UBE2E2: variants seen among roughly 807,000 people sequenced by gnomAD.
The protein encoded by UBE2E2 is ubiquitin-conjugating enzyme E2 E2.
Under a neutral mutation model 24.7 loss-of-function variants are expected in UBE2E2, and 6 were observed. The observed-to-expected ratio is 0.24, with a 90% CI of 0.13 to 0.48. The LOEUF is 0.48. Ranked by LOEUF, UBE2E2 falls within the 20% of genes least tolerant of loss-of-function variation. The pLI is 0.99. For synonymous variants in UBE2E2, 104 were observed against 83.6 expected (o/e 1.24, Z -1.33); for missense variants, 169 against 245.0 (o/e 0.69, Z 2.07).
At chr3:23,258,878 G>C (rs1029364816) in intron 3 of UBE2E2, among the ~76,000 whole-genome samples, 10 of 112,436 alleles carry the variant, frequency 8.9e-5, no homozygotes, top group African/African-American at 2.8e-4. Flanking sequence ...GGGTGACAGA[G>C]AGAGACTCTG....
rs1453053688 is a variant in UBE2E2, at chr3:23,503,389, C to T, written c.360+3649C>T. On this transcript the variant is annotated intron_variant, in intron 4 of 5. Transcript: ENST00000396703. Reference sequence around the variant, plus strand: ...TATTTTTAGTGGAGACAGGGTTTCGCCATGTTGGCCAGGCTGGTGTTGAAC... The same window carrying T: ...TATTTTTAGTGGAGACAGGGTTTCGTCATGTTGGCCAGGCTGGTGTTGAAC... 2.0e-5 allele frequency among the ~76,000 whole-genome samples: 3 copies of T among 151,636 alleles called. 1 individual carries two copies. Among genetic ancestry groups the T allele is most frequent in the Admixed American group, 2.0e-4 (3 of 15,236 alleles).
intron 3 of UBE2E2, among the ~76,000 whole-genome samples, chr3:23,361,996 A>G (rs982761406): frequency 6.6e-6 from 1 of 152,240 alleles, no homozygotes; most frequent in African/African-American, 2.4e-5. Flanking sequence ...GTGGGTACAT[A>G]TCTGAGAATA....
At chr3:23,383,804 T>C (rs890667935) in intron 3 of UBE2E2, among the ~76,000 whole-genome samples, 13 of 152,068 alleles carry the variant, frequency 8.5e-5, no homozygotes, top group Non-Finnish European at 1.8e-4. Context: ...TTAAACTAAG[T>C]TATTCTTTGT....
chr3:23,359,099 A>T (rs1411624084), intron 3 of UBE2E2, among the ~76,000 whole-genome samples: 2 of 152,170 alleles, frequency 1.3e-5, no homozygotes, highest in African/African-American at 4.8e-5. Flanking sequence ...ACTATTCAAC[A>T]TCATGAACAT....
At chr3:23,577,156 C>A (rs1696364921) in intron 5 of UBE2E2, among the ~76,000 whole-genome samples, 1 of 151,994 alleles carries the variant, frequency 6.6e-6, no homozygotes, top group Non-Finnish European at 1.5e-5. Context: ...AGTCAAATGT[C>A]TCTCACTTTA....
intron 3 of UBE2E2, among the ~76,000 whole-genome samples, chr3:23,371,702 AGAAT>A: frequency 6.6e-6 from 1 of 152,334 alleles, no homozygotes; most frequent in South Asian, 2.1e-4. Context: ...GAATAACTAG[AGAAT>A]GAAACCTTCT....
At chr3:23,514,072 C>G (rs561239787) in intron 4 of UBE2E2, among the ~76,000 whole-genome samples, 11 of 152,228 alleles carry the variant, frequency 7.2e-5, no homozygotes, top group Non-Finnish European at 1.0e-4. Context: ...TACGTGATCT[C>G]TCTGCCTGCC....
intron 3 of UBE2E2, among the ~76,000 whole-genome samples, chr3:23,371,516 A>C (rs1304286703): frequency 6.6e-6 from 1 of 152,198 alleles, no homozygotes; most frequent in East Asian, 1.9e-4. Flanking sequence ...AATTATTGAC[A>C]TCCTTGAAAT....
intron 3 of UBE2E2, among the ~76,000 whole-genome samples, chr3:23,331,648 C>T (rs981661884): frequency 4.6e-5 from 7 of 151,882 alleles, no homozygotes; most frequent in African/African-American, 9.7e-5. Context: ...TAGAAAAGGG[C>T]ATGCTGACAT....
At chr3:23,470,564 G>A (rs1699012967) in intron 3 of UBE2E2, among the ~76,000 whole-genome samples, 1 of 152,186 alleles carries the variant, frequency 6.6e-6, no homozygotes, top group Admixed American at 6.5e-5. Context: ...AAATCTAATT[G>A]AGTTGATCAT....
At chr3:23,260,695 C>T (rs1022261380) in intron 3 of UBE2E2, among the ~76,000 whole-genome samples, 1 of 152,006 alleles carries the variant, frequency 6.6e-6, no homozygotes, top group African/African-American at 2.4e-5. Context: ...CTTGTAGTCC[C>T]AGCTACTTCA....
chr3:23,283,924 T>TTTG (rs1314890034), intron 3 of UBE2E2, among the ~76,000 whole-genome samples: 1 of 152,186 alleles, frequency 6.6e-6, no homozygotes, highest in African/African-American at 2.4e-5. Flanking sequence ...TGTGCACAAG[T>TTTG]TTGAGAACCA....
chr3:23,341,976 G>A (rs1377495095), intron 3 of UBE2E2, among the ~76,000 whole-genome samples: 1 of 151,882 alleles, frequency 6.6e-6, no homozygotes, highest in East Asian at 1.9e-4. Context: ...ATAATTGATA[G>A]TAGGGAAGTA....
intron 3 of UBE2E2, among the ~76,000 whole-genome samples, chr3:23,426,594 G>C (rs567692390): frequency 2.6e-5 from 4 of 152,208 alleles, no homozygotes; most frequent in Admixed American, 2.6e-4. Context: ...GAAATAATTA[G>C]TGTTGAGAGA....
chr3:23,321,634 G>A (rs1270245960), intron 3 of UBE2E2, among the ~76,000 whole-genome samples: 1 of 148,404 alleles, frequency 6.7e-6, no homozygotes, highest in African/African-American at 2.5e-5. Context: ...ACAGAGTTGT[G>A]GGGGAATGGG....
chr3:23,250,537 C>G (rs1697547513), intron 3 of UBE2E2, among the ~76,000 whole-genome samples: 1 of 152,148 alleles, frequency 6.6e-6, no homozygotes, highest in Non-Finnish European at 1.5e-5. Flanking sequence ...CATATTCTGT[C>G]AATTTTTGTT....
chr3:23,414,354 C>G (rs1317845349), intron 3 of UBE2E2, among the ~76,000 whole-genome samples: 1 of 152,096 alleles, frequency 6.6e-6, no homozygotes, highest in East Asian at 1.9e-4. Flanking sequence ...TGTTAAAGGT[C>G]CTGACATAGT....
intron 5 of UBE2E2, among the ~76,000 whole-genome samples, chr3:23,547,344 T>A (rs1323407197): frequency 6.6e-6 from 1 of 152,246 alleles, no homozygotes; most frequent in Admixed American, 6.5e-5. Flanking sequence ...TTTTCCACCA[T>A]TTAAAATACC....
chr3:23,355,847 G>T (rs889216296), intron 3 of UBE2E2, among the ~76,000 whole-genome samples: 1 of 152,210 alleles, frequency 6.6e-6, no homozygotes. Flanking sequence ...ATATAAAGCA[G>T]TCTATGCAGT....
Sources: gnomAD v4.1 joint callset for allele counts (sites outside exome capture counted in the v4.1 genomes callset) on GRCh38, gnomAD v4.1.1 for gene constraint, MANE v1.5 for transcripts, NCBI Gene and HGNC (gene_info 2026-07-23, HGNC 2026-07-21) for gene names.